The following PTPRK variants were observed in gnomAD, a reference collection of about 807,000 sequenced individuals.
The protein encoded by PTPRK is receptor-type tyrosine-protein phosphatase kappa.
In PTPRK, 75 loss-of-function variants were observed where a neutral mutation model predicts 178.0. The observed-to-expected ratio is 0.42, with a 90% CI of 0.35 to 0.51. The LOEUF is 0.51. Among genes scored for constraint, PTPRK ranks in the 20% least tolerant of loss-of-function variants. PTPRK has a pLI of 0.02. For synonymous variants in PTPRK, 637 were observed against 620.6 expected, an observed-to-expected ratio of 1.03 and a Z score of -0.39; for missense variants, 1,441 against 1,797.8, an observed-to-expected ratio of 0.80 and a Z score of 3.59.
intron 3 of PTPRK, among the ~76,000 whole-genome samples, chr6:128,283,398 T>A: frequency 6.6e-6 from 1 of 152,200 alleles, no homozygotes; most frequent in East Asian, 1.9e-4. Context: ...TTTTGATGTA[T>A]GAGAAGAATT....
At chr6:128,121,934 G>A (rs1562622734) in intron 7 of PTPRK, among the ~76,000 whole-genome samples, 1 of 152,006 alleles carries the variant, frequency 6.6e-6, no homozygotes, top group South Asian at 2.1e-4. Flanking sequence ...TGTGACCATC[G>A]TTAACCATGT....
chr6:128,322,983 T>C (rs1378775828), intron 2 of PTPRK, among the ~76,000 whole-genome samples: 1 of 152,096 alleles, frequency 6.6e-6, no homozygotes, highest in Non-Finnish European at 1.5e-5. Context: ...ACTTGGAGTC[T>C]CACCCACTAA....
At chr6:128,310,430 T>A (rs750359375) in intron 3 of PTPRK, among the ~76,000 whole-genome samples, 8 of 152,144 alleles carry the variant, frequency 5.3e-5, no homozygotes, top group Non-Finnish European at 1.2e-4. Context: ...CTTTGCTGGA[T>A]GTTTTTCCAA....
chr6:128,316,518 A>G (rs1828014159), intron 3 of PTPRK, among the ~76,000 whole-genome samples: 1 of 152,198 alleles, frequency 6.6e-6, no homozygotes, highest in Non-Finnish European at 1.5e-5. Context: ...CTTGTCACAG[A>G]TTTACATTAA....
chr6:128,380,751 A>G lies in PTPRK; in HGVS notation c.223+16815T>C, dbSNP rs377493460. 1.7e-4 allele frequency among the ~76,000 whole-genome samples: 26 copies of G among 152,276 alleles called. No homozygotes were observed. In the East Asian group the frequency reaches 3.9e-3, roughly 23 times the overall value. On this transcript the variant is annotated intron_variant, in intron 2 of 29. Coordinates refer to ENST00000368226, the MANE Select transcript of PTPRK (RefSeq NM_002844.4). ...ATTTATCCTTCTCTCATTCTTCAAC[A>G]GACGTAACCAAGGCACAGGTAAGAC...
At chr6:128,118,574 A>T (rs972433698) in intron 7 of PTPRK, among the ~76,000 whole-genome samples, 7 of 152,178 alleles carry the variant, frequency 4.6e-5, no homozygotes, top group Admixed American at 6.5e-5. Context: ...GAATTTTTTT[A>T]AAAATGTGGT....
At chr6:128,199,049 A>AT (rs1415325852) in intron 6 of PTPRK, among the ~76,000 whole-genome samples, 2 of 152,104 alleles carry the variant, frequency 1.3e-5, no homozygotes, top group Admixed American at 1.3e-4. Flanking sequence ...AATTAAGAAA[A>AT]TTTTTTGCCA....
At chr6:128,428,785 A>C (rs1477749872) in intron 1 of PTPRK, among the ~76,000 whole-genome samples, 1 of 152,222 alleles carries the variant, frequency 6.6e-6, no homozygotes, top group Non-Finnish European at 1.5e-5. Context: ...GGTCATATAC[A>C]TTCAGTATTA....
intron 12 of PTPRK, among the ~76,000 whole-genome samples, chr6:128,067,063 A>G (rs1781906658): frequency 6.6e-6 from 1 of 152,120 alleles, no homozygotes; most frequent in South Asian, 2.1e-4. Flanking sequence ...GTTATTTACT[A>G]TTTGGCTTGA....
intron 1 of PTPRK, among the ~76,000 whole-genome samples, chr6:128,468,013 C>T (rs1053760162): frequency 6.6e-6 from 1 of 152,178 alleles, no homozygotes; most frequent in African/African-American, 2.4e-5. Flanking sequence ...TATCCAACTA[C>T]CTAATTGATT....
intron 6 of PTPRK, among the ~76,000 whole-genome samples, chr6:128,207,564 G>A (rs1807198107): frequency 6.6e-6 from 1 of 152,086 alleles, no homozygotes; most frequent in African/African-American, 2.4e-5. Context: ...AGATGCCTCT[G>A]AGTGTACAGA....
chr6:128,462,506 A>G (rs1047065930), intron 1 of PTPRK, among the ~76,000 whole-genome samples: 3 of 152,190 alleles, frequency 2.0e-5, no homozygotes, highest in East Asian at 3.9e-4. Context: ...TAATGGCTCA[A>G]AATAGATCTA....
rs4053237 is a variant in PTPRK, at chr6:128,432,745, A to AACACACACACACACAC, written c.101-35073_101-35058dup. Among the ~76,000 whole-genome samples the AACACACACACACACAC allele has an allele frequency of 1.9e-3, 284 of 146,348 alleles. 2 individuals carry two copies. Among genetic ancestry groups the AACACACACACACACAC allele is most frequent in the African/African-American group, 6.7e-3 (267 of 40,002 alleles). On this transcript the variant is annotated intron_variant, in intron 1 of 29. Transcript: ENST00000368226. Reference sequence around the variant, plus strand: ...ACCATACAGGTATGTTGTGTTCACAAACACACACACACACACACACACACA... The same window carrying AACACACACACACACAC: ...ACCATACAGGTATGTTGTGTTCACAAACACACACACACACACACACACACACACACACACACACACA...
intron 2 of PTPRK, among the ~76,000 whole-genome samples, chr6:128,328,127 T>G (rs747261945): frequency 6.6e-6 from 1 of 152,174 alleles, no homozygotes; most frequent in South Asian, 2.1e-4. Flanking sequence ...AAAAACAAAC[T>G]TAGGATCACA....
At chr6:128,036,899 T>C (rs1776321091) in intron 13 of PTPRK, among the ~76,000 whole-genome samples, 1 of 152,070 alleles carries the variant, frequency 6.6e-6, no homozygotes, top group Non-Finnish European at 1.5e-5. Flanking sequence ...GCCCAGCTAA[T>C]TTTTGTATCT....
Position 128,034,238 on chromosome 6 carries a change from T to C in PTPRK, c.2195-24970A>G, listed in dbSNP as rs553384229. ...ATTAAAGTCTAAACACCTGTCACCA[T>C]AGAAAAAGGCAGCTAAGGCAGCCCA... On this transcript the variant is annotated intron_variant, in intron 13 of 29. Coordinates refer to ENST00000368226, the MANE Select transcript of PTPRK (RefSeq NM_002844.4). Among the ~76,000 whole-genome samples, 8 of 152,008 alleles carry C rather than the reference T, an allele frequency of 5.3e-5. 1 individual carries two copies. In the East Asian group the frequency reaches 1.4e-3, roughly 26 times the overall value.
At chr6:128,515,194 A>G (rs1368574277) in intron 1 of PTPRK, among the ~76,000 whole-genome samples, 2 of 152,264 alleles carry the variant, frequency 1.3e-5, no homozygotes, top group African/African-American at 4.8e-5. Flanking sequence ...CATTTATAAA[A>G]GGGAACTTAA....
At chr6:128,286,124 T>G (rs1236382919) in intron 3 of PTPRK, among the ~76,000 whole-genome samples, 1 of 152,072 alleles carries the variant, frequency 6.6e-6, no homozygotes, top group East Asian at 1.9e-4. Flanking sequence ...CAGCCAGTGG[T>G]GATCCTGTCT....
chr6:128,040,091 G>T lies in PTPRK; in HGVS notation c.2194+24667C>A, dbSNP rs565859921. Among the ~76,000 whole-genome samples, 5 of 152,172 alleles carry T rather than the reference G, an allele frequency of 3.3e-5. No individual in the cohort carries two copies. In the East Asian group the frequency reaches 9.7e-4, roughly 29 times the overall value. Reference sequence around the variant, plus strand: ...AAGAGAAAATGCCTGAATTAGATAAGGCGAAATTTTAGCTACATACTTCTT... The same window carrying T: ...AAGAGAAAATGCCTGAATTAGATAATGCGAAATTTTAGCTACATACTTCTT... On this transcript the variant is annotated intron_variant, in intron 13 of 29. Coordinates refer to ENST00000368226, the MANE Select transcript of PTPRK (RefSeq NM_002844.4).
Sources: allele counts gnomAD v4.1 joint callset (sites outside exome capture counted in the v4.1 genomes callset), GRCh38; gene constraint gnomAD v4.1.1; transcripts MANE v1.5; gene names NCBI Gene and HGNC (gene_info 2026-07-23, HGNC 2026-07-21).